The following PDE7A variants were observed in gnomAD, a reference collection of about 807,000 sequenced individuals.
PDE7A encodes high affinity 3',5'-cyclic-AMP phosphodiesterase 7A.
A neutral mutation model predicts 64.3 loss-of-function variants in PDE7A; 39 were observed. The ratio of observed to expected loss-of-function variants is 0.61; its 90% CI spans 0.47 to 0.79. The LOEUF (loss-of-function observed/expected upper bound fraction) is 0.79, where lower values mean the gene tolerates loss of function less well. Ranked by LOEUF, PDE7A falls within the 30% of genes least tolerant of loss-of-function variation. The probability of loss-of-function intolerance (pLI) is 0.00; values close to 1 mark genes in which losing one functional copy is unlikely to be tolerated. For missense variants in PDE7A, 470 were observed against 582.8 expected (o/e 0.81, Z 1.99); for synonymous variants, 203 against 206.8 (o/e 0.98, Z 0.16).
intron 1 of PDE7A, among the ~76,000 whole-genome samples, chr8:65,840,063 G>A (rs1007507435): frequency 2.0e-5 from 3 of 152,250 alleles, no homozygotes; most frequent in African/African-American, 7.2e-5. Context: ...CTTCAGCAGT[G>A]CATTAAGATT....
Position 65,717,360 on chromosome 8 carries a change from A to G in PDE7A, c.*1930T>C, listed in dbSNP as rs1806183002. On this transcript the variant is annotated 3_prime_UTR_variant, in exon 13 of 13. Coordinates refer to ENST00000401827, the MANE Select transcript of PDE7A (RefSeq NM_001242318.3). ...GGAGTGGCCTTTTCTTATCACTTTA[A>G]AAAGGCCAATGATTGATAGAAATAA... The G allele has an allele frequency of 6.6e-6, 1 of 152,230 alleles. No individual in the cohort carries two copies. Among genetic ancestry groups the G allele is most frequent in the Non-Finnish European group, 1.5e-5 (1 of 68,036 alleles). 9.4% of individuals were successfully genotyped at this position (152,230 alleles called of 1,614,324 possible). A position where few individuals can be genotyped will look rare whatever the true frequency, so the allele number is the denominator to read the frequency against.
At chr8:65,741,388 T>C (rs1275233666) in intron 5 of PDE7A, among the ~76,000 whole-genome samples, 1 of 152,128 alleles carries the variant, frequency 6.6e-6, no homozygotes, top group African/African-American at 2.4e-5. Flanking sequence ...TTATGAAGGA[T>C]AATAAAGGAC....
chr8:65,799,699 G>A (rs1286928897), intron 1 of PDE7A, among the ~76,000 whole-genome samples: 2 of 152,178 alleles, frequency 1.3e-5, no homozygotes, highest in African/African-American at 2.4e-5. Context: ...GCTGGGCATG[G>A]GTCTCACGGC....
intron 1 of PDE7A, chr8:65,788,789 A>G (rs1194796652): frequency 6.3e-6 from 5 of 787,992 alleles, no homozygotes; most frequent in Non-Finnish European, 1.1e-5. Context: ...ATAAAAACTG[A>G]GGCAAAAGGA....
At chr8:65,787,310 G>A (rs932000643) in intron 1 of PDE7A, among the ~76,000 whole-genome samples, 1 of 152,140 alleles carries the variant, frequency 6.6e-6, no homozygotes, top group Non-Finnish European at 1.5e-5. Context: ...GTTCCATTTT[G>A]CAGATTCATA....
intron 12 of PDE7A, 32 bp from the exon 13 acceptor site, chr8:65,719,527 T>C (rs766352881): frequency 7.2e-7 from 1 of 1,380,896 alleles, no homozygotes; most frequent in South Asian, 1.2e-5. Flanking sequence ...GTTATTAACA[T>C]ATATGCTGAA....
At chr8:65,781,573 C>T (rs1809421124) in intron 2 of PDE7A, among the ~76,000 whole-genome samples, 1 of 151,978 alleles carries the variant, frequency 6.6e-6, no homozygotes, top group Non-Finnish European at 1.5e-5. Context: ...AGGTATCAAC[C>T]AGTAGGATCT....
chr8:65,838,175 T>C (rs985132561), intron 1 of PDE7A, among the ~76,000 whole-genome samples: 3 of 152,216 alleles, frequency 2.0e-5, no homozygotes, highest in Admixed American at 6.5e-5. Context: ...CTGCAGTGCT[T>C]TGGCATACCC....
At chr8:65,793,484 TA>T (rs11339152) in intron 1 of PDE7A, among the ~76,000 whole-genome samples, 57,859 of 137,658 alleles carry the variant, frequency 0.42, 13,772 homozygotes, top group African/African-American at 0.69. Context: ...TAAAGTTTCC[TA>T]AAAAAAAAAA....
intron 1 of PDE7A, among the ~76,000 whole-genome samples, chr8:65,832,945 CT>C (rs1810868468): frequency 6.6e-6 from 1 of 152,162 alleles, no homozygotes; most frequent in African/African-American, 2.4e-5. Flanking sequence ...AGTACACAGG[CT>C]TTAGAGTCAG....
chr8:65,819,346 C>A (rs79613541), intron 1 of PDE7A, among the ~76,000 whole-genome samples: 1 of 152,122 alleles, frequency 6.6e-6, no homozygotes, highest in Non-Finnish European at 1.5e-5. Context: ...GCAGTGAGCC[C>A]GGACCACACC....
chr8:65,751,885 T>C (rs1807985900), intron 3 of PDE7A, among the ~76,000 whole-genome samples: 1 of 152,250 alleles, frequency 6.6e-6, no homozygotes, highest in African/African-American at 2.4e-5. Context: ...CTGTTCTGCA[T>C]CTTGCTTTTT....
rs1446444627 is a variant in PDE7A at position 65,715,173 on chromosome 8, C to A, written c.*4117G>T. On this transcript the variant is annotated 3_prime_UTR_variant, in exon 13 of 13. Coordinates refer to ENST00000401827, the MANE Select transcript of PDE7A (RefSeq NM_001242318.3). ...TTTACTTGCTTTTTAAAAAAGTAAT[C>A]TTTTAAATATTTAACTGTTTCCTAA... Among the ~76,000 whole-genome samples the A allele has an allele frequency of 1.3e-5, 2 of 152,010 alleles. No individual in the cohort carries two copies. Among genetic ancestry groups the A allele is most frequent in the African/African-American group, 2.4e-5 (1 of 41,392 alleles).
intron 3 of PDE7A, among the ~76,000 whole-genome samples, chr8:65,778,005 C>T (rs1204799904): frequency 1.3e-5 from 2 of 152,252 alleles, no homozygotes; most frequent in South Asian, 2.1e-4. Context: ...ACATTTTTCC[C>T]TCTCCTCTCC....
intron 1 of PDE7A, among the ~76,000 whole-genome samples, chr8:65,795,791 T>C (rs1034255058): frequency 1.3e-5 from 2 of 151,866 alleles, no homozygotes; most frequent in Non-Finnish European, 2.9e-5. Context: ...TACAAATTAG[T>C]AGGGAAAATA....
At chr8:65,836,571 A>G (rs1028998118) in intron 1 of PDE7A, among the ~76,000 whole-genome samples, 2 of 152,208 alleles carry the variant, frequency 1.3e-5, no homozygotes, top group African/African-American at 4.8e-5. Context: ...AGCATGCATG[A>G]AGGTATTTAT....
At position 65,756,110 on chromosome 8, in the gene PDE7A, G is replaced by T. The variant is rs538798784; in HGVS notation, c.284-8307C>A. Among the ~76,000 whole-genome samples the T allele has an allele frequency of 2.1e-4, 32 of 152,294 alleles. No homozygotes were observed. The East Asian group carries it at 5.8e-3, about 27-fold the overall frequency. ...AGTTTATTCCCTTCTGGCCACCAAG[G>T]TTCTTAATGAGAAATCAGCTATTAA... On this transcript the variant is annotated intron_variant, in intron 3 of 12. Transcript: ENST00000401827.
intron 1 of PDE7A, among the ~76,000 whole-genome samples, chr8:65,792,268 A>C (rs1809720957): frequency 6.6e-6 from 1 of 152,354 alleles, no homozygotes; most frequent in South Asian, 2.1e-4. Flanking sequence ...TTGATACTAT[A>C]AGAAGAAAGT....
intron 10 of PDE7A, 128 bp from the exon 11 acceptor site, chr8:65,724,479 T>G (rs1177730293): frequency 4.7e-5 from 29 of 610,868 alleles, no homozygotes; most frequent in Non-Finnish European, 6.7e-5. Flanking sequence ...ATTCTCCTAT[T>G]TTTAGATGTA....
Sources: gnomAD v4.1 joint callset for allele counts (sites outside exome capture counted in the v4.1 genomes callset) on GRCh38, gnomAD v4.1.1 for gene constraint, MANE v1.5 for transcripts, NCBI Gene and HGNC (gene_info 2026-07-23, HGNC 2026-07-21) for gene names.